The following TMPRSS11F variants were observed in gnomAD, a reference collection of about 807,000 sequenced individuals.
TMPRSS11F encodes the protein transmembrane protease serine 11F.
TMPRSS11F carries 47 observed loss-of-function variants against 60.2 expected under a neutral mutation model. The observed-to-expected ratio is 0.78, with a 90% CI of 0.62 to 1.00. The LOEUF (loss-of-function observed/expected upper bound fraction) is 1.00. Among genes scored for constraint, TMPRSS11F ranks in the 50% least tolerant of loss-of-function variants. The pLI is 0.00. For missense variants in TMPRSS11F, 519 were observed against 522.9 expected (o/e 0.99, Z 0.07); for synonymous variants, 166 against 167.3 (o/e 0.99, Z 0.06).
Position 68,063,034 on chromosome 4 carries a change from G to A in TMPRSS11F, c.1015+1651C>T, listed in dbSNP as rs368847129. Reference sequence around the variant, plus strand: ...ACATTTCTGACACGCTCATTTGGGAGTCACAGACACATTTTATCTTGTGAA... The same window carrying A: ...ACATTTCTGACACGCTCATTTGGGAATCACAGACACATTTTATCTTGTGAA... On this transcript the variant is annotated intron_variant, in intron 8 of 9. Transcript: ENST00000356291. 3.6e-5 allele frequency: 24 copies of A among 667,520 alleles called. No individual in the cohort carries two copies. In the African/African-American group the frequency reaches 3.9e-4, roughly 11 times the overall value. 41.3% of individuals were successfully genotyped at this position (667,520 alleles called of 1,614,324 possible).
intron 3 of TMPRSS11F, among the ~76,000 whole-genome samples, chr4:68,079,436 C>T (rs1441939554): frequency 1.3e-5 from 2 of 152,090 alleles, no homozygotes; most frequent in Non-Finnish European, 2.9e-5. Flanking sequence ...TAAAGAAGCC[C>T]TCAAAGGCAT....
chr4:68,055,425 T>C (rs568812062), intron 9 of TMPRSS11F, among the ~76,000 whole-genome samples: 9 of 151,520 alleles, frequency 5.9e-5, no homozygotes, highest in African/African-American at 2.2e-4. Flanking sequence ...AGGAAAGGAG[T>C]GTGAAAGAGA....
At chr4:68,061,154 T>A (rs1723165347) in intron 8 of TMPRSS11F, among the ~76,000 whole-genome samples, 1 of 151,894 alleles carries the variant, frequency 6.6e-6, no homozygotes, top group Non-Finnish European at 1.5e-5. Context: ...TTAATTAGAG[T>A]TTCTAAATAT....
rs869180076 is a variant in TMPRSS11F, at chr4:68,087,726, TTTA to T, written c.282+2794_282+2796del. Among the ~76,000 whole-genome samples the T allele has an allele frequency of 4.3e-4, 65 of 150,472 alleles. 2 individuals carry two copies. The South Asian group carries it at 0.013, about 30-fold the overall frequency. On this transcript the variant is annotated intron_variant, in intron 3 of 9. Coordinates refer to ENST00000356291, the MANE Select transcript of TMPRSS11F (RefSeq NM_207407.2). ...ATTTATTTATTTATTTATTTATTTA[TTTA>T]TTATTATACTTTAAGTTTTAGGGTA...
chr4:68,109,727 T>C (rs1478424548), intron 1 of TMPRSS11F, among the ~76,000 whole-genome samples: 3 of 152,202 alleles, frequency 2.0e-5, no homozygotes, highest in Non-Finnish European at 2.9e-5. Context: ...TAATAACATA[T>C]GACCAGTATT....
At chr4:68,100,198 G>T (rs1202350153) in intron 1 of TMPRSS11F, among the ~76,000 whole-genome samples, 1 of 152,126 alleles carries the variant, frequency 6.6e-6, no homozygotes, top group Non-Finnish European at 1.5e-5. Flanking sequence ...GTTCAAGATT[G>T]CAAGTCTTTC....
rs1442598413 is a variant in TMPRSS11F at position 68,072,223 on chromosome 4, A to C, written c.514+100T>G. The C allele has an allele frequency of 2.3e-3, 144 of 62,084 alleles. 2 individuals are homozygous for C. Among genetic ancestry groups the C allele is most frequent in the African/African-American group, 8.8e-3 (138 of 15,694 alleles). 3.8% of individuals were successfully genotyped at this position (62,084 alleles called of 1,614,324 possible). On this transcript the variant is annotated intron_variant, in intron 5 of 9. Transcript: ENST00000356291. ...TTTATATATATATATATATCTTCCA[A>C]AAAAAAAATATATATATATATATAT...
intron 3 of TMPRSS11F, among the ~76,000 whole-genome samples, chr4:68,086,220 A>T (rs1723808288): frequency 6.6e-6 from 1 of 152,142 alleles, no homozygotes; most frequent in African/African-American, 2.4e-5. Context: ...TACCAAGAAG[A>T]TATCTCAAAA....
chr4:68,111,609 A>G (rs1724411081), intron 1 of TMPRSS11F, among the ~76,000 whole-genome samples: 2 of 152,176 alleles, frequency 1.3e-5, no homozygotes, highest in African/African-American at 4.8e-5. Context: ...TCAACTTGAA[A>G]CTATAATTAT....
At chr4:68,076,995 G>A (rs368520868) in intron 3 of TMPRSS11F, among the ~76,000 whole-genome samples, 1 of 152,302 alleles carries the variant, frequency 6.6e-6, no homozygotes, top group African/African-American at 2.4e-5. Flanking sequence ...ATGATTCCTT[G>A]TTCCCACAGC....
At chr4:68,118,166 G>A (rs1724562430) in intron 1 of TMPRSS11F, among the ~76,000 whole-genome samples, 1 of 152,104 alleles carries the variant, frequency 6.6e-6, no homozygotes, top group Non-Finnish European at 1.5e-5. Flanking sequence ...ACTGAGAACA[G>A]CCCAGCTTTT....
At chr4:68,062,974 G>T (rs780726634) in intron 8 of TMPRSS11F, 1 of 716,194 alleles carries the variant, frequency 1.4e-6, no homozygotes, top group East Asian at 2.8e-5. Context: ...ACCCGTCTTC[G>T]AGAGACTGAC....
At chr4:68,066,711 G>A (rs894882396) in intron 7 of TMPRSS11F, among the ~76,000 whole-genome samples, 7 of 152,100 alleles carry the variant, frequency 4.6e-5, no homozygotes, top group Non-Finnish European at 1.0e-4. Flanking sequence ...TGAGGCGGGC[G>A]GATCATGAGG....
At chr4:68,124,281 C>G (rs1724675559) in intron 1 of TMPRSS11F, among the ~76,000 whole-genome samples, 1 of 151,588 alleles carries the variant, frequency 6.6e-6, no homozygotes, top group Non-Finnish European at 1.5e-5. Flanking sequence ...GGCATGGTGC[C>G]TCGCACCTAT....
In TMPRSS11F at chr4:68,053,670, T is replaced by A. The variant is rs1480525600; in HGVS notation, c.*239A>T. On this transcript the variant is annotated 3_prime_UTR_variant, in exon 10 of 10. Coordinates refer to ENST00000356291, the MANE Select transcript of TMPRSS11F (RefSeq NM_207407.2). ...TTATTAGGAAGTATCACAAGCAGTT[T>A]CCCTTGTGAGTAAGGAATAGGTGCT... The A allele has an allele frequency of 1.3e-5, 5 of 379,242 alleles. No homozygotes were observed. The highest frequency in any genetic ancestry group is 7.9e-5 in the East Asian group (2 of 25,392). 23.5% of individuals were successfully genotyped at this position (379,242 alleles called of 1,614,324 possible). A position where few individuals can be genotyped will look rare whatever the true frequency, so the allele number is the denominator to read the frequency against.
At chr4:68,091,749 C>CTA (rs1553887390) in intron 2 of TMPRSS11F, among the ~76,000 whole-genome samples, 1 of 19,862 alleles carries the variant, frequency 5.0e-5, no homozygotes, top group Non-Finnish European at 3.3e-4. Context: ...AATCTCTAAT[C>CTA]TCTCTCTCTC....
chr4:68,082,230 T>A (rs1723710127), intron 3 of TMPRSS11F, among the ~76,000 whole-genome samples: 1 of 151,980 alleles, frequency 6.6e-6, no homozygotes, highest in Non-Finnish European at 1.5e-5. Context: ...TTGCTGGGGA[T>A]CTCTAGGATC....
At chr4:68,089,041 G>GA (rs113412897) in intron 3 of TMPRSS11F, among the ~76,000 whole-genome samples, 60 of 141,194 alleles carry the variant, frequency 4.2e-4, no homozygotes, top group South Asian at 4.5e-4. Flanking sequence ...TACAGAATTA[G>GA]AAAAAAAAAA....
At chr4:68,091,489 A>T (rs1425096732) in intron 2 of TMPRSS11F, among the ~76,000 whole-genome samples, 1 of 152,132 alleles carries the variant, frequency 6.6e-6, no homozygotes, top group Non-Finnish European at 1.5e-5. Flanking sequence ...AACCTTTGTC[A>T]TGAGTTTCAA....
Sources: gnomAD v4.1 joint callset for allele counts (sites outside exome capture counted in the v4.1 genomes callset) on GRCh38, gnomAD v4.1.1 for gene constraint, MANE v1.5 for transcripts, NCBI Gene and HGNC (gene_info 2026-07-23, HGNC 2026-07-21) for gene names.